Variants in ROBO2 observed in about 807,000 individuals in gnomAD.
ROBO2 encodes roundabout guidance receptor 2, also known as roundabout homolog 2.
A neutral mutation model predicts 160.8 loss-of-function variants in ROBO2; 53 were observed. The observed-to-expected ratio is 0.33, with a 90% CI of 0.26 to 0.41. The LOEUF (loss-of-function observed/expected upper bound fraction) is 0.41. ROBO2 is among the 10% of genes least tolerant of loss of function. The pLI is 1.00. For synonymous variants in ROBO2, 664 were observed against 611.7 expected (o/e 1.09, Z -1.26); for missense variants, 1,577 against 1,722.4 (o/e 0.92, Z 1.49).
chr3:77,602,901 GA>G (rs755023057), intron 20 of ROBO2: 5 of 461,264 alleles, frequency 1.1e-5, no homozygotes, highest in South Asian at 7.7e-5. Flanking sequence ...CTAATCACAT[GA>G]TGCCACTATG....
At chr3:77,058,774 G>T (rs2066002165) in intron 1 of ROBO2, among the ~76,000 whole-genome samples, 1 of 151,846 alleles carries the variant, frequency 6.6e-6, no homozygotes, top group Non-Finnish European at 1.5e-5. Context: ...CTGGGCTCAA[G>T]CGATCCACCC....
chr3:77,006,393 T>C (rs1292788353), intron 2 of ROBO2, among the ~76,000 whole-genome samples: 1 of 151,164 alleles, frequency 6.6e-6, no homozygotes, highest in Non-Finnish European at 1.5e-5. Flanking sequence ...CTGATGTACA[T>C]GCAGGTTTAG....
At chr3:76,877,795 T>G (rs76659205) in intron 2 of ROBO2, among the ~76,000 whole-genome samples, 25,300 of 152,142 alleles carry the variant, frequency 0.17, 2,325 homozygotes, top group South Asian at 0.25. Flanking sequence ...GAGTTGTGAT[T>G]AGGGCTCTCT....
chr3:77,040,577 C>T, exon 1 of ROBO2: 1 of 1,427,864 alleles, frequency 7.0e-7, no homozygotes, highest in Non-Finnish European at 9.1e-7. Context: ...TTTGAAGTAC[C>T]CTCTGTTAAT....
At chr3:76,781,179 A>G (rs1293639916) in intron 2 of ROBO2, among the ~76,000 whole-genome samples, 1 of 150,804 alleles carries the variant, frequency 6.6e-6, no homozygotes, top group Non-Finnish European at 1.5e-5. Context: ...TGATGATATT[A>G]TAAATGGGAA....
At chr3:77,211,082 G>A (rs531922771) in intron 2 of ROBO2, among the ~76,000 whole-genome samples, 171 of 152,140 alleles carry the variant, frequency 1.1e-3, no homozygotes, top group African/African-American at 3.9e-3. Context: ...AGCATGTTTT[G>A]TAATCCTTTG....
chr3:77,104,891 A>T (rs2072572804), intron 2 of ROBO2, among the ~76,000 whole-genome samples: 1 of 152,186 alleles, frequency 6.6e-6, no homozygotes, highest in Non-Finnish European at 1.5e-5. Context: ...AAAGTTCCTA[A>T]TAAATCCTTG....
At chr3:76,861,342 T>C (rs527543370) in intron 2 of ROBO2, among the ~76,000 whole-genome samples, 1 of 152,230 alleles carries the variant, frequency 6.6e-6, no homozygotes, top group Non-Finnish European at 1.5e-5. Context: ...CTGGGTTGTT[T>C]TGAGGATTAG....
At chr3:76,572,304 C>T (rs775119627) in intron 2 of ROBO2, among the ~76,000 whole-genome samples, 6 of 151,966 alleles carry the variant, frequency 3.9e-5, no homozygotes, top group Non-Finnish European at 7.4e-5. Context: ...AGACCGGATA[C>T]CTTTAACCAC....
At chr3:77,136,885 T>G (rs2076323427) in intron 2 of ROBO2, among the ~76,000 whole-genome samples, 2 of 152,162 alleles carry the variant, frequency 1.3e-5, no homozygotes, top group Non-Finnish European at 2.9e-5. Flanking sequence ...TCCGCCCGCC[T>G]CGGCCTTCCA....
rs538373225 is a variant in ROBO2 at position 77,342,463 on chromosome 3, T to C, written c.389-134951T>C. ...TAGAAATAAAATAATTCATAATTGT[T>C]GTAGAGAGAATTCTTCCTTTATAAC... On this transcript the variant is annotated intron_variant, in intron 2 of 25. Coordinates refer to ENST00000461745, the Ensembl canonical transcript of ROBO2. Among the ~76,000 whole-genome samples, 19 of 152,250 alleles carry C rather than the reference T, an allele frequency of 1.2e-4. 1 individual carries two copies. The highest frequency in any genetic ancestry group is 3.4e-4 in the African/African-American group (14 of 41,556).
chr3:76,009,162 G>A lies in ROBO2; in HGVS notation c.109+71560G>A, dbSNP rs1393064322. The stretch of plus-strand genomic sequence containing the variant: ...CTGTCGCCCAGGCTGGAGTGCAGGG[G>A]CGCGATCTCGGCTCACTGCAAGCTC... On this transcript the variant is annotated intron_variant, in intron 2 of 26. Coordinates refer to the ROBO2 transcript ENST00000487694. Among the ~76,000 whole-genome samples the A allele has an allele frequency of 3.3e-5, 5 of 152,154 alleles. No individual in the cohort carries two copies. The East Asian group carries it at 9.7e-4, about 29-fold the overall frequency.
intron 2 of ROBO2, among the ~76,000 whole-genome samples, chr3:77,395,294 A>G (rs1031659058): frequency 1.3e-5 from 2 of 152,174 alleles, no homozygotes; most frequent in African/African-American, 4.8e-5. Flanking sequence ...ATAATGTTGA[A>G]TAACTGCTTA....
intron 2 of ROBO2, among the ~76,000 whole-genome samples, chr3:76,472,729 A>G (rs1279270293): frequency 6.6e-6 from 1 of 152,182 alleles, no homozygotes; most frequent in African/African-American, 2.4e-5. Context: ...AATTGGTCTT[A>G]TATGGAAAAA....
At chr3:76,140,707 G>A (rs1250469416) in intron 2 of ROBO2, among the ~76,000 whole-genome samples, 2 of 151,708 alleles carry the variant, frequency 1.3e-5, no homozygotes, top group African/African-American at 2.4e-5. Context: ...CTAATTAGTG[G>A]CAGTACTAGG....
intron 2 of ROBO2, among the ~76,000 whole-genome samples, chr3:76,856,150 G>A (rs74794372): frequency 6.6e-6 from 1 of 152,250 alleles, no homozygotes; most frequent in African/African-American, 2.4e-5. Flanking sequence ...GACATAATTG[G>A]TTCAACTGAA....
intron 2 of ROBO2, among the ~76,000 whole-genome samples, chr3:77,446,719 T>A (rs1313096159): frequency 6.6e-6 from 1 of 152,074 alleles, no homozygotes; most frequent in African/African-American, 2.4e-5. Context: ...TAAATATGAA[T>A]GTCCGTTCTC....
intron 2 of ROBO2, among the ~76,000 whole-genome samples, chr3:77,201,337 G>C (rs1000793707): frequency 2.0e-5 from 3 of 152,140 alleles, no homozygotes; most frequent in Admixed American, 2.0e-4. Context: ...AAATGTTATA[G>C]GATAATGTAA....
At chr3:76,554,479 T>C (rs1314373435) in intron 2 of ROBO2, among the ~76,000 whole-genome samples, 1 of 152,206 alleles carries the variant, frequency 6.6e-6, no homozygotes, top group Admixed American at 6.5e-5. Flanking sequence ...TTTCCTAACA[T>C]ATGCTTTTGC....
Sources: gnomAD v4.1 joint callset for allele counts (sites outside exome capture counted in the v4.1 genomes callset) on GRCh38, gnomAD v4.1.1 for gene constraint, MANE v1.5 for transcripts, NCBI Gene and HGNC (gene_info 2026-07-23, HGNC 2026-07-21) for gene names.